The following LRRC8A variants were observed in gnomAD, a reference collection of about 807,000 sequenced individuals.
The protein encoded by LRRC8A is volume-regulated anion channel subunit LRRC8A.
Under a neutral mutation model 52.5 loss-of-function variants are expected in LRRC8A, and 24 were observed. The ratio of observed to expected loss-of-function variants is 0.46; its 90% CI spans 0.33 to 0.64. The LOEUF is 0.64. LRRC8A is among the 30% of genes least tolerant of loss of function. LRRC8A has a pLI of 0.02. For synonymous variants in LRRC8A, 492 were observed against 494.2 expected (o/e 1.00, Z 0.06); for missense variants, 677 against 1,094.7 (o/e 0.62, Z 5.38).
intron 1 of LRRC8A, among the ~76,000 whole-genome samples, chr9:128,884,250 C>A (rs1191961949): frequency 6.6e-6 from 1 of 152,188 alleles, no homozygotes; most frequent in Non-Finnish European, 1.5e-5. Context: ...TGGTTCCTGA[C>A]TGCCTCGTCT....
chr9:128,898,511 G>C (rs1342547788), intron 2 of LRRC8A, among the ~76,000 whole-genome samples: 1 of 152,186 alleles, frequency 6.6e-6, no homozygotes, highest in Non-Finnish European at 1.5e-5. Context: ...CACTCACCAG[G>C]TGTCTCCTGA....
At chr9:128,903,166 C>T (rs933813422) in intron 2 of LRRC8A, among the ~76,000 whole-genome samples, 1 of 152,156 alleles carries the variant, frequency 6.6e-6, no homozygotes, top group Non-Finnish European at 1.5e-5. Flanking sequence ...TGGGATGGGG[C>T]TATAGAGGCC....
At chr9:128,915,484 C>T (rs1425604977) in intron 3 of LRRC8A, among the ~76,000 whole-genome samples, 4 of 152,216 alleles carry the variant, frequency 2.6e-5, no homozygotes, top group East Asian at 3.9e-4. Context: ...GGCACCATGC[C>T]CGGCTAATTT....
rs142063153 is a variant in LRRC8A, at chr9:128,904,747, T to A, written c.-8-2410T>A. On this transcript the variant is annotated intron_variant, in intron 2 of 3. Coordinates refer to ENST00000372600, the MANE Select transcript of LRRC8A (RefSeq NM_019594.4). ...TGGTGGTTCACACCTGTAATCCCAGTACTTTGGGAGGCCAAGGCGGGCGGA... is the reference window on the plus strand; with the variant it reads ...TGGTGGTTCACACCTGTAATCCCAGAACTTTGGGAGGCCAAGGCGGGCGGA... 2.6e-5 allele frequency among the ~76,000 whole-genome samples: 4 copies of A among 151,572 alleles called. No individual in the cohort carries two copies. The South Asian group carries it at 8.3e-4, about 32-fold the overall frequency.
At chr9:128,913,564 G>T (rs1840659802) in intron 3 of LRRC8A, among the ~76,000 whole-genome samples, 1 of 152,208 alleles carries the variant, frequency 6.6e-6, no homozygotes, top group Non-Finnish European at 1.5e-5. Flanking sequence ...TCTCTCTGGG[G>T]CCTGGAGAGG....
intron 2 of LRRC8A, among the ~76,000 whole-genome samples, chr9:128,906,429 T>C (rs916265854): frequency 6.7e-6 from 1 of 149,938 alleles, no homozygotes. Flanking sequence ...TTCAAGTGAT[T>C]CTCCTGTCTC....
chr9:128,890,281 T>TC, intron 2 of LRRC8A, among the ~76,000 whole-genome samples: 1 of 152,074 alleles, frequency 6.6e-6, no homozygotes, highest in Admixed American at 6.6e-5. Flanking sequence ...TCCAGATGCG[T>TC]TTCTGTTGCG....
At chr9:128,905,927 G>A (rs939038036) in intron 2 of LRRC8A, among the ~76,000 whole-genome samples, 2 of 152,190 alleles carry the variant, frequency 1.3e-5, no homozygotes, top group African/African-American at 4.8e-5. Flanking sequence ...TGTTGCTGCT[G>A]TTTTTAATTC....
chr9:128,915,749 T>C (rs1034182368), intron 3 of LRRC8A, among the ~76,000 whole-genome samples: 4 of 152,210 alleles, frequency 2.6e-5, no homozygotes, highest in South Asian at 2.1e-4. Context: ...CAATGCGATA[T>C]ACTTCCCAGG....
chr9:128,913,031 G>A (rs1275717155), intron 3 of LRRC8A, among the ~76,000 whole-genome samples: 1 of 152,186 alleles, frequency 6.6e-6, no homozygotes, highest in African/African-American at 2.4e-5. Flanking sequence ...TCCACCTGAA[G>A]CCCAAGGAGT....
At chr9:128,912,165 C>T (rs1840575579) in intron 3 of LRRC8A, among the ~76,000 whole-genome samples, 1 of 152,208 alleles carries the variant, frequency 6.6e-6, no homozygotes, top group African/African-American at 2.4e-5. Flanking sequence ...GCCTCAAAGC[C>T]TCCCACCTTG....
In LRRC8A at chr9:128,892,496, C is replaced by T. The variant is rs547568189; in HGVS notation, c.-9+6375C>T. Among the ~76,000 whole-genome samples, 11 of 152,246 alleles carry T rather than the reference C, an allele frequency of 7.2e-5. No individual in the cohort carries two copies. The East Asian group carries it at 1.7e-3, about 24-fold the overall frequency. The stretch of plus-strand genomic sequence containing the variant: ...TGCTCCCCTCCCCCTCCAGCCCTGG[C>T]GTCTCCCCTCTTCCTCTCCCCAGGA... On this transcript the variant is annotated intron_variant, in intron 2 of 3. Coordinates refer to ENST00000372600, the MANE Select transcript of LRRC8A (RefSeq NM_019594.4). This position sits in a 1 kb window ranked among gnomAD's most constrained non-coding sequence, Gnocchi z 5.2.
intron 3 of LRRC8A, among the ~76,000 whole-genome samples, chr9:128,910,034 A>G (rs528923539): frequency 1.3e-5 from 2 of 152,200 alleles, no homozygotes; most frequent in Admixed American, 1.3e-4. Context: ...TGTGGGTGCC[A>G]GTCTCTTACC....
rs1839060244 is a variant in LRRC8A at position 128,882,215 on chromosome 9, GGCT to G, written c.-148_-146del. On this transcript the variant is annotated 5_prime_UTR_variant, in exon 1 of 4. Transcript: ENST00000372600. ...GCGGGACGGAGCGGCCGGGGCCTGG[GGCT>G]GCCTGCCGGGCGGCCGGGCGCGGCG... The G allele has an allele frequency of 6.5e-6, 1 of 153,276 alleles. No homozygotes were observed. Among genetic ancestry groups the G allele is most frequent in the African/African-American group, 2.4e-5 (1 of 41,438 alleles). The allele number at this position is 153,276 out of a possible 1,614,324, so 9.5% of individuals were successfully genotyped here.
intron 3 of LRRC8A, among the ~76,000 whole-genome samples, chr9:128,910,081 G>A (rs1840443189): frequency 6.6e-6 from 1 of 152,222 alleles, no homozygotes; most frequent in Admixed American, 6.5e-5. Context: ...CCCCTTGGTG[G>A]AGGCAGGCAG....
In LRRC8A at chr9:128,887,957, C is replaced by G. The variant is rs547610616; in HGVS notation, c.-9+1836C>G. 3.3e-5 allele frequency among the ~76,000 whole-genome samples: 5 copies of G among 152,226 alleles called. No individual in the cohort carries two copies. The South Asian group carries it at 1.0e-3, about 32-fold the overall frequency. On this transcript the variant is annotated intron_variant, in intron 2 of 3. Transcript: ENST00000372600. ...GCGCCCGGCTCCCCTGGACCTCTTT[C>G]CCATGCAAGAGGTAGATAGAGCTGT...
In LRRC8A at chr9:128,898,891, T is replaced by C. The variant is rs139711902; in HGVS notation, c.-8-8266T>C. ...GTCCTGAGAGCCCACAGGGCATTTGTCACCTTCCGCCATGTTACCATGGGG... is the reference window on the plus strand; with the variant it reads ...GTCCTGAGAGCCCACAGGGCATTTGCCACCTTCCGCCATGTTACCATGGGG... On this transcript the variant is annotated intron_variant, in intron 2 of 3. Coordinates refer to ENST00000372600, the MANE Select transcript of LRRC8A (RefSeq NM_019594.4). 7.3e-3 allele frequency among the ~76,000 whole-genome samples: 1,115 copies of C among 152,366 alleles called. 8 individuals are homozygous for C. The highest frequency in any genetic ancestry group is 0.019 in the African/African-American group (790 of 41,584).
rs143023409 is a variant in LRRC8A, at chr9:128,902,891, G to A, written c.-8-4266G>A. Among the ~76,000 whole-genome samples the A allele has an allele frequency of 2.5e-3, 380 of 152,298 alleles. 1 individual carries two copies. Among genetic ancestry groups the A allele is most frequent in the Middle Eastern group, 0.024 (7 of 294 alleles). ...GCCTGGAGCTGCCAGCCCAGGGCGG[G>A]CGGTGGTGTCTGCTGGCCCCTTTGT... On this transcript the variant is annotated intron_variant, in intron 2 of 3. Transcript: ENST00000372600. The surrounding 1 kb of genome is among the most constrained non-coding windows in gnomAD (Gnocchi z 4.1).
Position 128,907,428 on chromosome 9 carries a change from G to C in LRRC8A, c.264G>C (p.Pro88=). 1 of 1,613,462 alleles carries C rather than the reference G, an allele frequency of 6.2e-7. No individual in the cohort carries two copies. Among genetic ancestry groups the C allele is most frequent in the Non-Finnish European group, 8.5e-7 (1 of 1,180,018 alleles). ...CCTACCCCAACTCCACCATTCTGCCGACCCCTGACACGGGCCCCACAGGCA... is the reference window on the plus strand; with the variant it reads ...CCTACCCCAACTCCACCATTCTGCCCACCCCTGACACGGGCCCCACAGGCA... ...EPTYPNSTIL[P]TPDTGPTGIK... is the part of the protein sequence containing the mutation. The change falls in exon 3 of 4, where the codon CCG becomes CCC. Residue 88 remains proline, a synonymous_variant. Transcript: ENST00000372600. This position sits in a 1 kb window ranked among gnomAD's most constrained non-coding sequence, Gnocchi z 9.3.
Sources: gnomAD v4.1 joint callset for allele counts (sites outside exome capture counted in the v4.1 genomes callset) on GRCh38, gnomAD v4.1.1 for gene constraint, Gnocchi (gnomAD v3.1) non-coding constraint, MANE v1.5 for transcripts, NCBI Gene and HGNC (gene_info 2026-07-23, HGNC 2026-07-21) for gene names.